RNF138: variants seen among roughly 807,000 people sequenced by gnomAD.
RNF138 encodes ring finger protein 138, also known as E3 ubiquitin-protein ligase RNF138.
A neutral mutation model predicts 31.0 loss-of-function variants in RNF138; 12 were observed. That is an observed-to-expected ratio of 0.39 (90% CI 0.25 to 0.63). The LOEUF (loss-of-function observed/expected upper bound fraction) is 0.63, where lower values mean the gene tolerates loss of function less well. Among genes scored for constraint, RNF138 ranks in the 20% least tolerant of loss-of-function variants. RNF138 has a pLI of 0.52. For synonymous variants in RNF138, 105 were observed against 99.5 expected (o/e 1.06, Z -0.33); for missense variants, 192 against 300.1 (o/e 0.64, Z 2.66).
intron 4 of RNF138, among the ~76,000 whole-genome samples, chr18:32,120,847 A>AAATTT (rs2040292038): frequency 1.3e-5 from 2 of 152,156 alleles, no homozygotes; most frequent in Non-Finnish European, 2.9e-5. Context: ...TGTTTATTTA[A>AAATTT]AACTGCATAG....
intron 4 of RNF138, among the ~76,000 whole-genome samples, chr18:32,121,263 A>C (rs1190612240): frequency 1.3e-5 from 2 of 152,224 alleles, no homozygotes; most frequent in Non-Finnish European, 2.9e-5. Flanking sequence ...TGGGAGGCCA[A>C]GGCGGGCAGA....
intron 6 of RNF138, among the ~76,000 whole-genome samples, chr18:32,126,385 C>T (rs1160021979): frequency 6.6e-6 from 1 of 152,130 alleles, no homozygotes. Context: ...ATGTTGCAGG[C>T]AGCCAGTTAG....
intron 4 of RNF138, among the ~76,000 whole-genome samples, chr18:32,115,466 T>TG (rs1023727046): frequency 6.6e-6 from 1 of 152,158 alleles, no homozygotes; most frequent in Non-Finnish European, 1.5e-5. Context: ...AAATTCTGGC[T>TG]GGGCGCGGTG....
intron 4 of RNF138, among the ~76,000 whole-genome samples, chr18:32,117,498 C>G (rs1449896374): frequency 6.6e-6 from 1 of 151,800 alleles, no homozygotes; most frequent in Non-Finnish European, 1.5e-5. Context: ...TTGCATGCAA[C>G]TGAGTAGAAA....
Position 32,097,600 on chromosome 18 carries a change from C to T in RNF138, c.110+4714C>T, listed in dbSNP as rs188086506. On this transcript the variant is annotated intron_variant, in intron 2 of 7. Coordinates refer to ENST00000261593, the MANE Select transcript of RNF138 (RefSeq NM_016271.5). ...CTGGATTTAAGCGATTCTCCTGCCT[C>T]GTCCTCCTGAGTAGCTGGGACTACA... 1.2e-3 allele frequency among the ~76,000 whole-genome samples: 184 copies of T among 152,104 alleles called. 3 individuals carry two copies. The East Asian group carries it at 0.028, about 23-fold the overall frequency.
intron 2 of RNF138, among the ~76,000 whole-genome samples, chr18:32,105,955 A>C (rs1217146385): frequency 6.6e-6 from 1 of 152,236 alleles, no homozygotes; most frequent in African/African-American, 2.4e-5. Context: ...CATAGAATTA[A>C]GCACTATGAC....
intron 5 of RNF138, 51 bp from the exon 6 acceptor site, chr18:32,124,683 A>AT (rs1313055196): frequency 1.1e-6 from 1 of 906,902 alleles, no homozygotes; most frequent in Non-Finnish European, 1.8e-6. Flanking sequence ...GGAGAGCGTT[A>AT]TTTTTGTGTT....
At chr18:32,100,695 C>G (rs1158791404) in intron 2 of RNF138, among the ~76,000 whole-genome samples, 1 of 152,044 alleles carries the variant, frequency 6.6e-6, no homozygotes, top group Non-Finnish European at 1.5e-5. Context: ...AGGCTGGTCT[C>G]GAACTCCCAA....
chr18:32,128,670 T>A (rs868130354), intron 7 of RNF138, among the ~76,000 whole-genome samples: 1 of 152,248 alleles, frequency 6.6e-6, no homozygotes. Context: ...TTCAGTTTTA[T>A]TTTTCATTTT....
rs1396815807 is a variant in RNF138, at chr18:32,131,147, G to A, written c.*1960G>A. 1 of 152,364 alleles carries A rather than the reference G, an allele frequency of 6.6e-6. No individual in the cohort carries two copies. The highest frequency in any genetic ancestry group is 6.5e-5 in the Admixed American group (1 of 15,268). 9.4% of individuals were successfully genotyped at this position (152,364 alleles called of 1,614,324 possible). The stretch of plus-strand genomic sequence containing the variant: ...TTCTTTAAAGGAAAATTGTAGTAGA[G>A]GTCATCTTGATGGAATTGTGTTTTA... On this transcript the variant is annotated 3_prime_UTR_variant, in exon 8 of 8. Coordinates refer to ENST00000261593, the MANE Select transcript of RNF138 (RefSeq NM_016271.5).
At chr18:32,105,135 AGGCTGGAGTGC>A (rs1336544162) in intron 2 of RNF138, among the ~76,000 whole-genome samples, 5 of 152,186 alleles carry the variant, frequency 3.3e-5, no homozygotes, top group Non-Finnish European at 7.3e-5. Context: ...TCTGTCCCCC[AGGCTGGAGTGC>A]AGTGGCACCA....
intron 6 of RNF138, among the ~76,000 whole-genome samples, chr18:32,126,147 C>T (rs2040380270): frequency 6.6e-6 from 1 of 152,134 alleles, no homozygotes; most frequent in African/African-American, 2.4e-5. Flanking sequence ...TTAATCCCAG[C>T]ACTTTGGGAG....
At chr18:32,104,135 TC>T (rs1389325013) in intron 2 of RNF138, among the ~76,000 whole-genome samples, 4 of 151,024 alleles carry the variant, frequency 2.6e-5, no homozygotes, top group African/African-American at 9.7e-5. Flanking sequence ...TGACTTAGCC[TC>T]CCAAATAGTT....
intron 2 of RNF138, among the ~76,000 whole-genome samples, chr18:32,097,423 C>T (rs1207947957): frequency 1.3e-5 from 2 of 152,162 alleles, no homozygotes; most frequent in East Asian, 3.8e-4. Flanking sequence ...CCAGCTTGAA[C>T]ATCCAGTTCC....
At chr18:32,108,624 A>G (rs1017723117) in intron 2 of RNF138, among the ~76,000 whole-genome samples, 2 of 152,250 alleles carry the variant, frequency 1.3e-5, no homozygotes, top group East Asian at 1.9e-4. Flanking sequence ...TAGTGTGGCT[A>G]TGAACTTTCT....
At chr18:32,126,852 A>T in intron 7 of RNF138, 52 bp downstream of exon 7, 2 of 1,155,132 alleles carry the variant, frequency 1.7e-6, no homozygotes, top group Non-Finnish European at 1.3e-6. Flanking sequence ...TTAAAGTTAA[A>T]ATAACTTTTT....
chr18:32,126,213 G>A (rs552320890), intron 6 of RNF138, among the ~76,000 whole-genome samples: 4 of 152,294 alleles, frequency 2.6e-5, no homozygotes, highest in African/African-American at 9.6e-5. Context: ...CTGGACAACA[G>A]TGAGACTGTG....
At chr18:32,125,874 T>C (rs1283182147) in intron 6 of RNF138, among the ~76,000 whole-genome samples, 2 of 152,180 alleles carry the variant, frequency 1.3e-5, no homozygotes, top group East Asian at 1.9e-4. Context: ...CTTATTAGAA[T>C]GGGTTCAGTT....
chr18:32,118,165 G>T (rs1264916554), intron 4 of RNF138, among the ~76,000 whole-genome samples: 1 of 152,172 alleles, frequency 6.6e-6, no homozygotes, highest in Admixed American at 6.5e-5. Flanking sequence ...TGGCTAAATA[G>T]CTATGAAGAA....
Sources: allele counts gnomAD v4.1 joint callset (sites outside exome capture counted in the v4.1 genomes callset), GRCh38; gene constraint gnomAD v4.1.1; transcripts MANE v1.5; gene names NCBI Gene and HGNC (gene_info 2026-07-23, HGNC 2026-07-21).